The following DUSP13B variants were observed in gnomAD, a reference collection of about 807,000 sequenced individuals.
The protein encoded by DUSP13B is dual specificity protein phosphatase 13B.
chr10:75,097,096 A>C, the DUSP13B span, among the ~76,000 whole-genome samples: 1 of 152,240 alleles, frequency 6.6e-6, no homozygotes, highest in Non-Finnish European at 1.5e-5. Context: ...AGAGAATAGA[A>C]AAGTTATAAT....
the DUSP13B span, chr10:75,109,043 C>T: frequency 1.2e-6 from 2 of 1,611,830 alleles, no homozygotes; most frequent in South Asian, 2.2e-5. Context: ...CAAACTTCGT[C>T]CACACGGCTG....
chr10:75,107,999 C>T, the DUSP13B span: 19 of 1,611,740 alleles, frequency 1.2e-5, no homozygotes, highest in Middle Eastern at 1.6e-4. Context: ...TACCCCCAGG[C>T]GTGTTGAGGG....
At chr10:75,107,995 C>G in the DUSP13B span, 58,044 of 1,611,230 alleles carry the variant, frequency 0.036, 1,302 homozygotes, top group Non-Finnish European at 0.044. Context: ...GTCCTACCCC[C>G]AGGCGTGTTG....
At chr10:75,102,429 C>T in the DUSP13B span, among the ~76,000 whole-genome samples, 5 of 150,686 alleles carry the variant, frequency 3.3e-5, no homozygotes, top group Admixed American at 6.6e-5. Flanking sequence ...GGCGACAGGG[C>T]GAGACTCCGT....
the DUSP13B span, among the ~76,000 whole-genome samples, chr10:75,098,286 C>A: frequency 6.6e-6 from 1 of 152,180 alleles, no homozygotes; most frequent in Admixed American, 6.5e-5. Flanking sequence ...GAAGCCCCCA[C>A]CAACCTAAGC....
chr10:75,099,104 T>C, the DUSP13B span: 457 of 1,232,358 alleles, frequency 3.7e-4, 3 homozygotes, highest in East Asian at 0.014. Context: ...ATCTGCTGGC[T>C]GAAGGAGTCA....
At chr10:75,103,753 G>A in the DUSP13B span, 1,284 of 621,290 alleles carry the variant, frequency 2.1e-3, 9 homozygotes, top group Middle Eastern at 0.016. Flanking sequence ...GAGGGGAGCT[G>A]CTGGAGACAG....
the DUSP13B span, chr10:75,108,407 G>C: frequency 1.0e-6 from 1 of 953,540 alleles, no homozygotes; most frequent in Non-Finnish European, 1.5e-6. Flanking sequence ...CCGGCGGTGT[G>C]TGTGTCGGGG....
chr10:75,098,039 G>C, the DUSP13B span, among the ~76,000 whole-genome samples: 2 of 152,194 alleles, frequency 1.3e-5, no homozygotes, highest in Non-Finnish European at 2.9e-5. Flanking sequence ...AGCTCAGCTG[G>C]GGCTGAGGCC....
At chr10:75,095,972 G>A in the DUSP13B span, among the ~76,000 whole-genome samples, 15,145 of 152,206 alleles carry the variant, frequency 0.1, 930 homozygotes, top group South Asian at 0.3. Flanking sequence ...ACTCCTTTTC[G>A]GGCTGGGTGC....
At chr10:75,103,979 C>T in the DUSP13B span, 9 of 1,342,846 alleles carry the variant, frequency 6.7e-6, no homozygotes, top group African/African-American at 4.5e-5. Flanking sequence ...GCCGACCCCA[C>T]GCTGGGCTTC....
the DUSP13B span, among the ~76,000 whole-genome samples, chr10:75,098,282 C>T: frequency 6.6e-6 from 1 of 152,112 alleles, no homozygotes; most frequent in Non-Finnish European, 1.5e-5. Flanking sequence ...CCAGGAAGCC[C>T]CCACCAACCT....
At chr10:75,108,127 G>A in the DUSP13B span, 8 of 1,613,700 alleles carry the variant, frequency 5.0e-6, no homozygotes, top group South Asian at 5.5e-5. Flanking sequence ...GGGCCGCCCT[G>A]ACAGTAGAGG....
the DUSP13B span, among the ~76,000 whole-genome samples, chr10:75,100,356 C>T: frequency 1.3e-5 from 2 of 152,150 alleles, no homozygotes; most frequent in Admixed American, 1.3e-4. Flanking sequence ...GGGTGTTGCC[C>T]CACCTGTCCA....
At chr10:75,107,332 G>A in the DUSP13B span, among the ~76,000 whole-genome samples, 3 of 150,052 alleles carry the variant, frequency 2.0e-5, no homozygotes, top group African/African-American at 7.4e-5. Flanking sequence ...GGGTAGCACT[G>A]AGACTCTGTC....
chr10:75,103,951 G>A, the DUSP13B span: 1 of 1,325,298 alleles, frequency 7.5e-7, no homozygotes, highest in Middle Eastern at 2.2e-4. Flanking sequence ...GGAGCCAGAT[G>A]GAGTAGCAGG....
the DUSP13B span, chr10:75,095,494 C>T: frequency 7.5e-7 from 1 of 1,330,016 alleles, no homozygotes; most frequent in South Asian, 1.2e-5. Context: ...CTCTGGACTC[C>T]CACCCACCAG....
At chr10:75,101,622 G>A in the DUSP13B span, among the ~76,000 whole-genome samples, 3 of 152,248 alleles carry the variant, frequency 2.0e-5, no homozygotes, top group Admixed American at 6.5e-5. Context: ...TGAGGAAACC[G>A]AGACTCAGAG....
chr10:75,108,176 C>T, the DUSP13B span: 1 of 1,611,404 alleles, frequency 6.2e-7, no homozygotes, highest in Non-Finnish European at 8.5e-7. Flanking sequence ...TGATGCCCAG[C>T]TTCCACAGCT....
Sources: allele counts gnomAD v4.1 joint callset (sites outside exome capture counted in the v4.1 genomes callset), GRCh38; gene constraint gnomAD v4.1.1; transcripts MANE v1.5; gene names NCBI Gene and HGNC (gene_info 2026-07-23, HGNC 2026-07-21).